ARPP21: variants seen among roughly 807,000 people sequenced by gnomAD.
ARPP21 encodes the protein cAMP regulated phosphoprotein 21.
ARPP21 carries 69 observed loss-of-function variants against 113.2 expected under a neutral mutation model. The observed-to-expected ratio is 0.61, with a 90% CI of 0.50 to 0.74. The LOEUF (loss-of-function observed/expected upper bound fraction) is 0.74. ARPP21 is among the 30% of genes least tolerant of loss of function. The pLI is 0.00. For missense variants in ARPP21, 1,070 were observed against 1,037.4 expected (o/e 1.03, Z -0.43); for synonymous variants, 368 against 375.5 (o/e 0.98, Z 0.23).
At chr3:35,704,250 G>C (rs1297244401) in intron 9 of ARPP21, among the ~76,000 whole-genome samples, 3 of 151,548 alleles carry the variant, frequency 2.0e-5, no homozygotes, top group African/African-American at 7.3e-5. Flanking sequence ...TTTGTATTGG[G>C]AAATATTTTT....
At chr3:35,761,898 C>T (rs1002439196) in intron 19 of ARPP21, among the ~76,000 whole-genome samples, 2 of 152,048 alleles carry the variant, frequency 1.3e-5, no homozygotes, top group Admixed American at 6.6e-5. Flanking sequence ...CCTACTAGGA[C>T]GGCACACATT....
chr3:35,733,666 A>G (rs908482875), intron 15 of ARPP21, among the ~76,000 whole-genome samples: 5 of 152,172 alleles, frequency 3.3e-5, no homozygotes, highest in African/African-American at 7.2e-5. Flanking sequence ...TTGAAAACCA[A>G]TCGTCACCTA....
chr3:35,775,063 T>C (rs1312780060), intron 19 of ARPP21: 1 of 152,140 alleles, frequency 6.6e-6, no homozygotes, highest in Non-Finnish European at 1.5e-5. Flanking sequence ...CAAATTAATA[T>C]AACCATTCTA....
intron 14 of ARPP21, among the ~76,000 whole-genome samples, chr3:35,726,554 A>G (rs1221548530): frequency 6.6e-6 from 1 of 152,154 alleles, no homozygotes; most frequent in Non-Finnish European, 1.5e-5. Flanking sequence ...AATCATTTAC[A>G]TTGTCTTCTC....
At chr3:35,687,346 G>T (rs1214705108) in intron 5 of ARPP21, among the ~76,000 whole-genome samples, 1 of 150,266 alleles carries the variant, frequency 6.7e-6, no homozygotes, top group Non-Finnish European at 1.5e-5. Context: ...CCCTTATAAG[G>T]AATTATAGAA....
intron 9 of ARPP21, among the ~76,000 whole-genome samples, chr3:35,704,500 C>T (rs1303551179): frequency 6.6e-6 from 1 of 151,764 alleles, no homozygotes; most frequent in Non-Finnish European, 1.5e-5. Context: ...CATGTCTTCC[C>T]AAGATACTCT....
chr3:35,785,633 G>GACCATCTAA (rs1344684254), intron 19 of ARPP21, among the ~76,000 whole-genome samples: 1 of 152,186 alleles, frequency 6.6e-6, no homozygotes, highest in African/African-American at 2.4e-5. Context: ...TTCATCTGAT[G>GACCATCTAA]TGTACTGCCA....
chr3:35,783,907 G>T (rs1373494112), intron 19 of ARPP21, among the ~76,000 whole-genome samples: 1 of 151,878 alleles, frequency 6.6e-6, no homozygotes, highest in Non-Finnish European at 1.5e-5. Context: ...CTTTTATTCT[G>T]ATTATTTCCA....
intron 15 of ARPP21, among the ~76,000 whole-genome samples, chr3:35,730,168 C>T: frequency 6.6e-6 from 1 of 152,142 alleles, no homozygotes; most frequent in East Asian, 1.9e-4. Flanking sequence ...ACGGTTTCTT[C>T]TGTGATGAAT....
chr3:35,788,126 G>A (rs1169970681), intron 19 of ARPP21, among the ~76,000 whole-genome samples: 1 of 152,190 alleles, frequency 6.6e-6, no homozygotes, highest in Non-Finnish European at 1.5e-5. Context: ...CAAGAAAACA[G>A]AACCAGGCAG....
intron 19 of ARPP21, among the ~76,000 whole-genome samples, chr3:35,766,201 G>C (rs1441509559): frequency 6.6e-6 from 1 of 152,066 alleles, no homozygotes; most frequent in Non-Finnish European, 1.5e-5. Flanking sequence ...AACAAAATGG[G>C]AATTTTGAAT....
At chr3:35,693,268 A>T (rs930783431) in intron 9 of ARPP21, among the ~76,000 whole-genome samples, 2 of 151,590 alleles carry the variant, frequency 1.3e-5, no homozygotes, top group African/African-American at 2.4e-5. Context: ...AAGGCAAATG[A>T]CTGTATGTCA....
At chr3:35,684,467 T>C (rs1169984853) in intron 5 of ARPP21, 4 of 983,062 alleles carry the variant, frequency 4.1e-6, no homozygotes, top group Non-Finnish European at 3.6e-6. Context: ...ACAAAATTAT[T>C]TCATGACAAA....
intron 1 of ARPP21, among the ~76,000 whole-genome samples, chr3:35,645,925 A>C (rs1208988302): frequency 6.6e-6 from 1 of 152,042 alleles, no homozygotes; most frequent in Non-Finnish European, 1.5e-5. Context: ...GAGAAACAAC[A>C]AGTGAGGTAA....
chr3:35,755,374 T>C (rs1346543117), intron 19 of ARPP21, among the ~76,000 whole-genome samples: 1 of 152,080 alleles, frequency 6.6e-6, no homozygotes, highest in Non-Finnish European at 1.5e-5. Flanking sequence ...CTCTTGACTG[T>C]ACACAAGTTC....
chr3:35,745,167 G>C (rs1476209368), intron 19 of ARPP21, among the ~76,000 whole-genome samples: 3 of 152,132 alleles, frequency 2.0e-5, no homozygotes, highest in Non-Finnish European at 4.4e-5. Context: ...AGTGTTTTGA[G>C]AACACTAAAG....
chr3:35,656,413 C>G (rs950420335), intron 1 of ARPP21, among the ~76,000 whole-genome samples: 3 of 152,166 alleles, frequency 2.0e-5, no homozygotes, highest in Admixed American at 6.5e-5. Context: ...AAATTAGGAA[C>G]AGCTCAAATG....
At chr3:35,652,593 A>C (rs1702871436) in intron 1 of ARPP21, among the ~76,000 whole-genome samples, 1 of 152,094 alleles carries the variant, frequency 6.6e-6, no homozygotes, top group African/African-American at 2.4e-5. Flanking sequence ...CTGTTAGCCA[A>C]GGCATTTACA....
chr3:35,781,234 G>A (rs1176469781), intron 19 of ARPP21, among the ~76,000 whole-genome samples: 2 of 152,124 alleles, frequency 1.3e-5, no homozygotes, highest in African/African-American at 2.4e-5. Flanking sequence ...TGCTTATAAA[G>A]CACTTTTAAT....
Sources: gnomAD v4.1 joint callset for allele counts (sites outside exome capture counted in the v4.1 genomes callset) on GRCh38, gnomAD v4.1.1 for gene constraint, MANE v1.5 for transcripts, NCBI Gene and HGNC (gene_info 2026-07-23, HGNC 2026-07-21) for gene names.